Variants in TSR1 observed in about 807,000 individuals in gnomAD.
TSR1 encodes pre-rRNA-processing protein TSR1 homolog.
TSR1 carries 81 observed loss-of-function variants against 90.9 expected under a neutral mutation model. The ratio of observed to expected loss-of-function variants is 0.89; its 90% CI spans 0.74 to 1.07. TSR1 has a LOEUF of 1.07. TSR1 is among the 50% of genes least tolerant of loss of function. TSR1 has a pLI of 0.00. For synonymous variants in TSR1, 362 were observed against 348.8 expected (o/e 1.04, Z -0.42); for missense variants, 989 against 987.3 (o/e 1.00, Z -0.02).
rs1597278421 is a variant in TSR1, at chr17:2,332,953, T to A, written c.1305+8A>T. ...ACACAGAATTGGCCTAAGGCCTCAT[T>A]TCCTTACCTGAGATTCCTCCTCCAT... is the stretch of plus-strand genomic sequence containing the variant. On this transcript the variant is annotated splice_region_variant and intron_variant, in intron 7 of 14. Coordinates refer to ENST00000301364, the MANE Select transcript of TSR1 (RefSeq NM_018128.5). 6.2e-7 allele frequency: 1 copy of A among 1,612,600 alleles called. No homozygotes were observed.
chr17:2,323,855 T>C lies in TSR1; in HGVS notation c.*341A>G. 1 of 1,614,104 alleles carries C rather than the reference T, an allele frequency of 6.2e-7. No individual in the cohort carries two copies. ...AGCAGGCTGAAAGGCCAGCTTCTTA[T>C]CAGTCTGTTTCTGTTTAATTTACAG... On this transcript the variant is annotated 3_prime_UTR_variant, in exon 15 of 15. Coordinates refer to ENST00000301364, the MANE Select transcript of TSR1 (RefSeq NM_018128.5).
intron 6 of TSR1, 76 bp downstream of exon 6, chr17:2,333,481 G>C: frequency 6.3e-7 from 1 of 1,576,606 alleles, no homozygotes; most frequent in Admixed American, 1.7e-5. Context: ...ATCCTATAGG[G>C]CCCTCACTTG....
Sources: allele counts gnomAD v4.1 joint callset, GRCh38; gene constraint gnomAD v4.1.1; transcripts MANE v1.5; gene names NCBI Gene and HGNC (gene_info 2026-07-23, HGNC 2026-07-21).